Variants in FRMPD4 observed in about 807,000 individuals in gnomAD.
FRMPD4 encodes the protein FERM and PDZ domain containing 4, also known as FERM and PDZ domain-containing protein 4.
In FRMPD4, 22 loss-of-function variants were observed where a neutral mutation model predicts 94.1. The ratio of observed to expected loss-of-function variants is 0.23; its 90% CI spans 0.17 to 0.33. The LOEUF is 0.33. Among genes scored for constraint, FRMPD4 ranks in the 10% least tolerant of loss-of-function variants. The pLI, the probability that FRMPD4 is intolerant of heterozygous loss-of-function variation, is 1.00. For missense variants in FRMPD4, 1,111 were observed against 1,339.9 expected (o/e 0.83, Z 2.67); for synonymous variants, 631 against 548.6 (o/e 1.15, Z -2.10).
At chrX:12,236,075 C>T (rs1365530712) in intron 1 of FRMPD4, among the ~76,000 whole-genome samples, 1 of 111,781 alleles carries the variant, frequency 8.9e-6, no homozygotes, top group Non-Finnish European at 1.9e-5. Flanking sequence ...CCAGTGCCAT[C>T]AGATTCTCTC....
In FRMPD4 at chrX:12,140,149, A is replaced by G. The variant is rs750653350; in HGVS notation, c.41+1137A>G. Among the ~76,000 whole-genome samples the G allele has an allele frequency of 3.6e-5, 4 of 112,284 alleles. No homozygotes were observed. In the Admixed American group the frequency reaches 3.8e-4, roughly 11 times the overall value. ...GATGTTGCCATTCTCTCCGACATCT[A>G]CAGGTCTTTGTTCTGCCTGCCCATC... is the stretch of plus-strand genomic sequence containing the variant. On this transcript the variant is annotated intron_variant, in intron 1 of 16. Transcript: ENST00000675598.
intron 3 of FRMPD4, among the ~76,000 whole-genome samples, chrX:12,112,510 T>C (rs1749980479): frequency 9.0e-6 from 1 of 111,007 alleles, no homozygotes; most frequent in Non-Finnish European, 1.9e-5. Context: ...GGCGCATGTA[T>C]ACATATGTAA....
At chrX:11,893,218 C>T (rs775417327) in intron 3 of FRMPD4, among the ~76,000 whole-genome samples, 1 of 111,980 alleles carries the variant, frequency 8.9e-6, no homozygotes, top group South Asian at 3.7e-4. Context: ...TGTCATGTCT[C>T]CTCAGTCTTC....
At chrX:12,017,510 G>A (rs1171295834) in intron 3 of FRMPD4, among the ~76,000 whole-genome samples, 1 of 112,059 alleles carries the variant, frequency 8.9e-6, no homozygotes, top group Admixed American at 9.5e-5. Flanking sequence ...ATCAAACACA[G>A]CCCTTCATGA....
At chrX:11,919,481 T>C (rs2054043809) in intron 3 of FRMPD4, among the ~76,000 whole-genome samples, 1 of 110,772 alleles carries the variant, frequency 9.0e-6, no homozygotes, top group Non-Finnish European at 1.9e-5. Context: ...CAGGGGATCA[T>C]CAGTGCTGTG....
chrX:12,528,319 GTTTTTTTTTT>G (rs62720861), intron 2 of FRMPD4, among the ~76,000 whole-genome samples: 39 of 73,843 alleles, frequency 5.3e-4, no homozygotes, highest in African/African-American at 2.2e-3. Flanking sequence ...TTTTGTTTTT[GTTTTTTTTTT>G]TTTTTTTTGG....
chrX:12,273,746 T>A (rs2054388692), intron 1 of FRMPD4, among the ~76,000 whole-genome samples: 1 of 112,312 alleles, frequency 8.9e-6, no homozygotes, highest in Non-Finnish European at 1.9e-5. Flanking sequence ...AATCTGTATG[T>A]GGCTCTTTTA....
intron 2 of FRMPD4, among the ~76,000 whole-genome samples, chrX:12,558,366 A>T (rs1233710192): frequency 8.9e-6 from 1 of 112,938 alleles, no homozygotes; most frequent in Non-Finnish European, 1.9e-5. Flanking sequence ...AAAGAAAAAG[A>T]AAAGAAAATG....
At chrX:11,920,471 G>T (rs2054049171) in intron 3 of FRMPD4, among the ~76,000 whole-genome samples, 1 of 111,798 alleles carries the variant, frequency 8.9e-6, no homozygotes, top group Admixed American at 9.5e-5. Flanking sequence ...TGTAAGATGT[G>T]CCGACTTGAA....
intron 1 of FRMPD4, among the ~76,000 whole-genome samples, chrX:12,240,963 T>A (rs1413647051): frequency 8.9e-6 from 1 of 111,994 alleles, no homozygotes; most frequent in Non-Finnish European, 1.9e-5. Flanking sequence ...AAGGTTGTGA[T>A]CAGCCAGATT....
chrX:12,467,836 T>A (rs1269749806), intron 1 of FRMPD4, among the ~76,000 whole-genome samples: 1 of 111,924 alleles, frequency 8.9e-6, no homozygotes, highest in African/African-American at 3.2e-5. Flanking sequence ...ATGGAGGGAT[T>A]TGATTTTATG....
chrX:12,305,890 G>A (rs1372634152), intron 1 of FRMPD4, among the ~76,000 whole-genome samples: 1 of 107,174 alleles, frequency 9.3e-6, no homozygotes, highest in Non-Finnish European at 1.9e-5. Flanking sequence ...TTAGATTAAT[G>A]TATATAAATT....
intron 4 of FRMPD4, among the ~76,000 whole-genome samples, chrX:12,653,657 G>T (rs754172103): frequency 9.3e-6 from 1 of 107,919 alleles, no homozygotes; most frequent in South Asian, 4.0e-4. Context: ...TTTTAAATCA[G>T]AACCTTTCAA....
chrX:12,053,039 T>C (rs779150341), intron 3 of FRMPD4, among the ~76,000 whole-genome samples: 7 of 110,913 alleles, frequency 6.3e-5, no homozygotes, highest in Non-Finnish European at 1.1e-4. Flanking sequence ...TGAAACACTG[T>C]TAAAAATTGA....
chrX:11,943,380 C>CT (rs199684587), intron 3 of FRMPD4, among the ~76,000 whole-genome samples: 26 of 109,676 alleles, frequency 2.4e-4, no homozygotes, highest in African/African-American at 7.3e-4. Flanking sequence ...TTTTTATTTA[C>CT]TTTTTTTTTA....
chrX:11,943,598 G>C (rs1165160424), intron 3 of FRMPD4, among the ~76,000 whole-genome samples: 1 of 110,684 alleles, frequency 9.0e-6, no homozygotes. Flanking sequence ...CCACTCCCAA[G>C]ATAACTACAT....
intron 2 of FRMPD4, among the ~76,000 whole-genome samples, chrX:11,876,060 G>C (rs1263126866): frequency 9.2e-6 from 1 of 108,281 alleles, no homozygotes; most frequent in Non-Finnish European, 1.9e-5. Flanking sequence ...ATTTTTAGTA[G>C]AGACGGGGTT....
At chrX:12,142,525 GA>G (rs1460082036) in intron 1 of FRMPD4, among the ~76,000 whole-genome samples, 1 of 111,233 alleles carries the variant, frequency 9.0e-6, no homozygotes, top group African/African-American at 3.3e-5. Context: ...GGCTAGCAAT[GA>G]AAAAACCCCA....
chrX:11,871,731 G>A (rs1473009281), intron 2 of FRMPD4, among the ~76,000 whole-genome samples: 1 of 111,969 alleles, frequency 8.9e-6, no homozygotes, highest in Admixed American at 9.5e-5. Flanking sequence ...TGTGGAGAGA[G>A]TGAAGTGGAC....
Sources: gnomAD v4.1 joint callset for allele counts (sites outside exome capture counted in the v4.1 genomes callset) on GRCh38, gnomAD v4.1.1 for gene constraint, MANE v1.5 for transcripts, NCBI Gene and HGNC (gene_info 2026-07-23, HGNC 2026-07-21) for gene names.